Variants in SLC35F5 observed in about 807,000 individuals in gnomAD.
SLC35F5 encodes the protein HCV NS5A-transactivated protein 3.
SLC35F5 carries 54 observed loss-of-function variants against 68.6 expected under a neutral mutation model. The ratio of observed to expected loss-of-function variants is 0.79; its 90% CI spans 0.63 to 0.99. The LOEUF (loss-of-function observed/expected upper bound fraction) is 0.99, where lower values mean the gene tolerates loss of function less well. SLC35F5 is among the 50% of genes least tolerant of loss of function. SLC35F5 has a pLI of 0.00. For synonymous variants in SLC35F5, 211 were observed against 205.2 expected (o/e 1.03, Z -0.24); for missense variants, 567 against 626.9 (o/e 0.90, Z 1.02).
chr2:113,745,648 C>A (rs1476195135), intron 5 of SLC35F5, among the ~76,000 whole-genome samples: 1 of 151,606 alleles, frequency 6.6e-6, no homozygotes, highest in Non-Finnish European at 1.5e-5. Flanking sequence ...CCACCAGAGG[C>A]AATAGACCAA....
At position 113,709,751 on chromosome 2, in the gene SLC35F5, C is replaced by T. The variant is rs1254643304; in HGVS notation, c.*5467G>A. 6.6e-6 allele frequency among the ~76,000 whole-genome samples: 1 copy of T among 152,160 alleles called. No individual in the cohort carries two copies. Among genetic ancestry groups the T allele is most frequent in the Admixed American group, 6.5e-5 (1 of 15,268 alleles). On this transcript the variant is annotated 3_prime_UTR_variant, in exon 16 of 16. Coordinates refer to ENST00000245680, the MANE Select transcript of SLC35F5 (RefSeq NM_025181.5). The stretch of plus-strand genomic sequence containing the variant: ...TAGAAAGGCAAATTACCAGGCCCAC[C>T]ATCCCCACCGCCAGACCTACTGAAT...
chr2:113,733,267 A>G (rs1240960423), intron 9 of SLC35F5: 2 of 233,862 alleles, frequency 8.6e-6, no homozygotes, highest in African/African-American at 4.7e-5. Context: ...ATACAATCTT[A>G]TTTACAAAAC....
chr2:113,742,376 T>C (rs1372585354), intron 7 of SLC35F5: 2 of 426,696 alleles, frequency 4.7e-6, no homozygotes, highest in Non-Finnish European at 8.3e-6. Context: ...CAGTGTAAAA[T>C]AACTCTATTC....
Position 113,709,520 on chromosome 2 carries a change from C to T in SLC35F5, c.*5698G>A, listed in dbSNP as rs1441810826. ...GCCTGGTATTTCAATTAGAGTTTCT[C>T]ATTCTCACAGTCTCAGGCAGGTTGC... On this transcript the variant is annotated 3_prime_UTR_variant, in exon 16 of 16. Coordinates refer to ENST00000245680, the MANE Select transcript of SLC35F5 (RefSeq NM_025181.5). Among the ~76,000 whole-genome samples the T allele has an allele frequency of 6.6e-6, 1 of 152,214 alleles. No homozygotes were observed. Among genetic ancestry groups the T allele is most frequent in the East Asian group, 1.9e-4 (1 of 5,202 alleles).
In SLC35F5 at chr2:113,729,314, G is replaced by T. The variant is rs1339563014; in HGVS notation, c.1090+87C>A. On this transcript the variant is annotated intron_variant, in intron 11 of 15. Transcript: ENST00000245680. The stretch of plus-strand genomic sequence containing the variant: ...AGAATCATACGGAAGAAAAAAAAAG[G>T]CTTCCCTATTCCCTCTGAAAAACAA... 3 of 631,618 alleles carry T rather than the reference G, an allele frequency of 4.7e-6. No individual in the cohort carries two copies. The South Asian group carries it at 6.5e-5, about 14-fold the overall frequency. 39.1% of individuals were successfully genotyped at this position (631,618 alleles called of 1,614,324 possible).
chr2:113,727,923 A>C (rs1687731195), intron 11 of SLC35F5, among the ~76,000 whole-genome samples: 1 of 152,148 alleles, frequency 6.6e-6, no homozygotes, highest in Non-Finnish European at 1.5e-5. Context: ...TATAACACTA[A>C]AAAAAACTAG....
In SLC35F5 at chr2:113,731,655, G is replaced by A. The variant is rs369373933; in HGVS notation, c.921-7C>T. The A allele has an allele frequency of 1.4e-4, 230 of 1,609,624 alleles. No homozygotes were observed. The highest frequency in any genetic ancestry group is 1.9e-4 in the Non-Finnish European group (223 of 1,176,464). On this transcript the variant is annotated splice_region_variant and splice_polypyrimidine_tract_variant and intron_variant, in intron 9 of 15. Transcript: ENST00000245680. ...CAGTACAACGCCTCCAATGCTATGA[G>A]AATAACAGTCATTAATGATGAGCTA...
intron 4 of SLC35F5, 55 bp downstream of exon 4, chr2:113,750,370 T>A: frequency 6.8e-7 from 1 of 1,467,678 alleles, no homozygotes; most frequent in Non-Finnish European, 9.1e-7. Context: ...CTTTAAACTT[T>A]GAAAAAACGT....
At chr2:113,719,400 G>A in intron 13 of SLC35F5, 92 bp from the exon 14 acceptor site, 1 of 1,136,520 alleles carries the variant, frequency 8.8e-7, no homozygotes, top group Non-Finnish European at 1.2e-6. Flanking sequence ...GTGAAAACTA[G>A]CAGGAATAAG....
chr2:113,755,375 T>G, intron 2 of SLC35F5, 69 bp from the exon 3 acceptor site: 1 of 1,605,948 alleles, frequency 6.2e-7, no homozygotes, highest in Non-Finnish European at 8.5e-7. Flanking sequence ...AATGAGAACA[T>G]TAGTATAACA....
chr2:113,728,899 G>A (rs527901609), intron 11 of SLC35F5, among the ~76,000 whole-genome samples: 1 of 152,296 alleles, frequency 6.6e-6, no homozygotes, highest in Admixed American at 6.5e-5. Context: ...ATGAATCTAT[G>A]TTATAAAAGT....
intron 3 of SLC35F5, among the ~76,000 whole-genome samples, chr2:113,754,791 G>A (rs981450717): frequency 1.3e-5 from 2 of 152,128 alleles, no homozygotes; most frequent in Non-Finnish European, 2.9e-5. Context: ...TTGTCCAAAA[G>A]CACTCTGAAC....
intron 10 of SLC35F5, among the ~76,000 whole-genome samples, chr2:113,730,906 A>T (rs1351581132): frequency 1.3e-5 from 2 of 152,186 alleles, no homozygotes; most frequent in East Asian, 3.8e-4. Context: ...CCCCCACAAG[A>T]TGCTTATTAC....
intron 13 of SLC35F5, among the ~76,000 whole-genome samples, chr2:113,722,689 G>A (rs931023169): frequency 5.9e-5 from 9 of 152,204 alleles, no homozygotes; most frequent in African/African-American, 2.2e-4. Flanking sequence ...ACTCTGCTGA[G>A]TCCAGAGAGA....
Position 113,746,770 on chromosome 2 carries a change from C to CA in SLC35F5, c.418-432dup, listed in dbSNP as rs542804108. 1.1e-3 allele frequency among the ~76,000 whole-genome samples: 168 copies of CA among 151,714 alleles called. 1 individual carries two copies. Among genetic ancestry groups the CA allele is most frequent in the Non-Finnish European group, 2.1e-3 (145 of 67,856 alleles). On this transcript the variant is annotated intron_variant, in intron 4 of 15. Transcript: ENST00000245680. ...TAAAACCCTGTCTCTACTAAAAATA[C>CA]AAAAAAATTAGCTAGCAGTGTTGGC...
rs1442922900 is a variant in SLC35F5 at position 113,714,793 on chromosome 2, A to C, written c.*425T>G. The stretch of plus-strand genomic sequence containing the variant: ...CTTATTACAGGTAGCTTATTTTAGC[A>C]TTTTACCTGTCAGAAATACTGGTCT... On this transcript the variant is annotated 3_prime_UTR_variant, in exon 16 of 16. Coordinates refer to ENST00000245680, the MANE Select transcript of SLC35F5 (RefSeq NM_025181.5). 6.6e-6 allele frequency: 1 copy of C among 152,550 alleles called. No homozygotes were observed. Among genetic ancestry groups the C allele is most frequent in the Admixed American group, 6.5e-5 (1 of 15,284 alleles). 9.4% of individuals were successfully genotyped at this position (152,550 alleles called of 1,614,324 possible). A position where few individuals can be genotyped will look rare whatever the true frequency, so the allele number is the denominator to read the frequency against.
chr2:113,722,992 A>G (rs944033181), intron 13 of SLC35F5, 112 bp downstream of exon 13: 1 of 603,858 alleles, frequency 1.7e-6, no homozygotes, highest in Non-Finnish European at 2.7e-6. Context: ...GAGAGAAAGC[A>G]TCAAGTATTA....
At chr2:113,721,193 T>C (rs1687417006) in intron 13 of SLC35F5, 2 of 151,950 alleles carry the variant, frequency 1.3e-5, no homozygotes, top group Non-Finnish European at 1.5e-5. Flanking sequence ...TTCTCTTATG[T>C]TTGTGTTACA....
At chr2:113,726,787 T>C (rs900712276) in intron 11 of SLC35F5, among the ~76,000 whole-genome samples, 1 of 152,168 alleles carries the variant, frequency 6.6e-6, no homozygotes, top group African/African-American at 2.4e-5. Context: ...CTGCTCTCCC[T>C]CTGCTCCCCG....
Sources: gnomAD v4.1 joint callset for allele counts (sites outside exome capture counted in the v4.1 genomes callset) on GRCh38, gnomAD v4.1.1 for gene constraint, MANE v1.5 for transcripts, NCBI Gene and HGNC (gene_info 2026-07-23, HGNC 2026-07-21) for gene names.